Variants in CDC14B observed in about 807,000 individuals in gnomAD.
The protein encoded by CDC14B is cell division cycle 14B.
Under a neutral mutation model 64.2 loss-of-function variants are expected in CDC14B, and 22 were observed. The ratio of observed to expected loss-of-function variants is 0.34; its 90% CI spans 0.24 to 0.49. CDC14B has a LOEUF of 0.49. Among genes scored for constraint, CDC14B ranks in the 20% least tolerant of loss-of-function variants. The pLI is 0.99. For missense variants in CDC14B, 498 were observed against 629.9 expected (o/e 0.79, Z 2.24); for synonymous variants, 191 against 215.8 (o/e 0.89, Z 1.01).
At chr9:96,582,393 A>G (rs968396469) in intron 1 of CDC14B, among the ~76,000 whole-genome samples, 1 of 152,222 alleles carries the variant, frequency 6.6e-6, no homozygotes, top group African/African-American at 2.4e-5. Context: ...GTTCCTCTTT[A>G]AAGTGTTTTT....
intron 1 of CDC14B, among the ~76,000 whole-genome samples, chr9:96,611,837 T>C (rs1847342755): frequency 6.6e-6 from 1 of 152,174 alleles, no homozygotes; most frequent in Non-Finnish European, 1.5e-5. Context: ...TTAAAACATA[T>C]ACAAGAGCAT....
downstream of CDC14B, among the ~76,000 whole-genome samples, chr9:96,497,565 C>A (rs1329430591): frequency 6.6e-6 from 1 of 152,228 alleles, no homozygotes; most frequent in Admixed American, 6.5e-5. Flanking sequence ...GGCGCTGAGG[C>A]CAGCGTCCTG....
downstream of CDC14B, among the ~76,000 whole-genome samples, chr9:96,496,647 C>T (rs1365983345): frequency 6.6e-6 from 1 of 152,230 alleles, no homozygotes; most frequent in Non-Finnish European, 1.5e-5. Context: ...CGGCTGACCC[C>T]GCAATCCAGG....
chr9:96,569,967 A>G (rs1188281915), intron 1 of CDC14B, among the ~76,000 whole-genome samples: 2 of 152,148 alleles, frequency 1.3e-5, no homozygotes, highest in South Asian at 2.1e-4. Context: ...GTATCCCCCC[A>G]TTGATGTTTC....
chr9:96,500,277 A>G lies in CDC14B; in HGVS notation c.*3476T>C, dbSNP rs182268626. Reference sequence around the variant, plus strand: ...GCCATTAGGAAGCTTTATCTTAAAAATACCTTCAGGAAAATAAACATTCAT... The same window carrying G: ...GCCATTAGGAAGCTTTATCTTAAAAGTACCTTCAGGAAAATAAACATTCAT... On this transcript the variant is annotated 3_prime_UTR_variant, in exon 14 of 14. Coordinates refer to ENST00000375241, the MANE Select transcript of CDC14B (RefSeq NM_033331.4). 315 of 152,778 alleles carry G rather than the reference A, an allele frequency of 2.1e-3. No individual in the cohort carries two copies. Among genetic ancestry groups the G allele is most frequent in the African/African-American group, 7.3e-3 (304 of 41,582 alleles). The allele number at this position is 152,778 out of a possible 1,614,324, so 9.5% of individuals were successfully genotyped here.
intron 3 of CDC14B, among the ~76,000 whole-genome samples, chr9:96,563,780 G>C (rs1049666635): frequency 5.9e-5 from 9 of 151,866 alleles, no homozygotes; most frequent in Admixed American, 5.9e-4. Flanking sequence ...TTAAAGCAAA[G>C]GAACAAATGT....
At chr9:96,533,718 T>G (rs984921151) in intron 9 of CDC14B, among the ~76,000 whole-genome samples, 4 of 152,192 alleles carry the variant, frequency 2.6e-5, no homozygotes, top group African/African-American at 9.6e-5. Flanking sequence ...ATTTGATGAA[T>G]AAATAAATGC....
chr9:96,551,711 G>A, intron 5 of CDC14B, 85 bp downstream of exon 5: 3 of 1,548,192 alleles, frequency 1.9e-6, no homozygotes, highest in South Asian at 2.4e-5. Context: ...CTATTTACCA[G>A]ATCTTCTTTT....
At chr9:96,534,233 C>T (rs1362882855) in intron 8 of CDC14B, 76 bp from the exon 9 acceptor site, 7 of 900,592 alleles carry the variant, frequency 7.8e-6, no homozygotes, top group South Asian at 1.7e-5. Flanking sequence ...TGTAACTGAA[C>T]GGAAACAGTA....
At chr9:96,550,606 A>G (rs1350428861) in intron 5 of CDC14B, among the ~76,000 whole-genome samples, 2 of 152,252 alleles carry the variant, frequency 1.3e-5, no homozygotes, top group Non-Finnish European at 2.9e-5. Flanking sequence ...ACTAATAAGC[A>G]ATAGTTATTA....
At chr9:96,519,223 A>G (rs1034671225) in intron 12 of CDC14B, among the ~76,000 whole-genome samples, 3 of 152,244 alleles carry the variant, frequency 2.0e-5, no homozygotes, top group African/African-American at 7.2e-5. Flanking sequence ...CAAAACCATC[A>G]GTATGCAGAA....
chr9:96,492,375 T>G (rs1564173526), exon 14 of CDC14B: 1 of 152,350 alleles, frequency 6.6e-6, no homozygotes, highest in Non-Finnish European at 1.5e-5. Context: ...GTCCTGGGGC[T>G]GCTGCGCACA....
At chr9:96,549,405 T>G (rs1841463727) in intron 5 of CDC14B, among the ~76,000 whole-genome samples, 1 of 152,014 alleles carries the variant, frequency 6.6e-6, no homozygotes, top group South Asian at 2.1e-4. Flanking sequence ...AGGCCACACT[T>G]TATGAAATCC....
chr9:96,522,828 G>A (rs958333849), intron 11 of CDC14B, among the ~76,000 whole-genome samples: 1 of 152,196 alleles, frequency 6.6e-6, no homozygotes, highest in Non-Finnish European at 1.5e-5. Context: ...ACAGTGAAGA[G>A]GGTTAATGGG....
At chr9:96,528,640 G>A (rs1235589180) in intron 9 of CDC14B, among the ~76,000 whole-genome samples, 4 of 152,212 alleles carry the variant, frequency 2.6e-5, no homozygotes, top group Non-Finnish European at 5.9e-5. Context: ...TGGAACTGCT[G>A]AATGACGTTA....
chr9:96,590,650 GTTTTT>G (rs111524053), intron 1 of CDC14B, among the ~76,000 whole-genome samples: 1 of 140,904 alleles, frequency 7.1e-6, no homozygotes, highest in African/African-American at 2.6e-5. Context: ...TTATTTCCTG[GTTTTT>G]TTTTTTTTTC....
chr9:96,608,924 C>A (rs76653581), intron 1 of CDC14B, among the ~76,000 whole-genome samples: 73 of 137,258 alleles, frequency 5.3e-4, no homozygotes, highest in African/African-American at 2.5e-3. Flanking sequence ...CACACACACA[C>A]ACGAAAAGAC....
At chr9:96,568,544 C>T (rs777922549) in intron 1 of CDC14B, among the ~76,000 whole-genome samples, 9 of 152,112 alleles carry the variant, frequency 5.9e-5, no homozygotes, top group Non-Finnish European at 7.3e-5. Flanking sequence ...ACATCCGTCA[C>T]CTGTGGGTGG....
At chr9:96,548,749 C>A (rs1187091008) in intron 5 of CDC14B, among the ~76,000 whole-genome samples, 1 of 150,768 alleles carries the variant, frequency 6.6e-6, no homozygotes, top group Non-Finnish European at 1.5e-5. Context: ...TGCAGTGAGC[C>A]AAGATTGCGC....
Sources: gnomAD v4.1 joint callset for allele counts (sites outside exome capture counted in the v4.1 genomes callset) on GRCh38, gnomAD v4.1.1 for gene constraint, MANE v1.5 for transcripts, NCBI Gene and HGNC (gene_info 2026-07-23, HGNC 2026-07-21) for gene names.